Variants in DGKB observed in about 807,000 individuals in gnomAD.
DGKB encodes diacylglycerol kinase beta, also known as 90 kDa diacylglycerol kinase.
A neutral mutation model predicts 114.3 loss-of-function variants in DGKB; 67 were observed. The observed-to-expected ratio is 0.59, with a 90% CI of 0.48 to 0.72. DGKB has a LOEUF of 0.72. DGKB is among the 30% of genes least tolerant of loss of function. The probability of loss-of-function intolerance (pLI) is 0.00; values close to 1 mark genes in which losing one functional copy is unlikely to be tolerated. For missense variants in DGKB, 907 were observed against 975.2 expected (o/e 0.93, Z 0.93); for synonymous variants, 398 against 323.1 (o/e 1.23, Z -2.49).
At chr7:14,405,718 G>A (rs1337219140) in intron 21 of DGKB, among the ~76,000 whole-genome samples, 2 of 151,962 alleles carry the variant, frequency 1.3e-5, no homozygotes, top group Non-Finnish European at 2.9e-5. Flanking sequence ...TGAAACAAAA[G>A]GACTTTGTAT....
intron 22 of DGKB, among the ~76,000 whole-genome samples, chr7:14,344,909 C>T (rs1023735078): frequency 6.6e-6 from 1 of 151,536 alleles, no homozygotes; most frequent in Admixed American, 6.6e-5. Context: ...AAAGTAAGTA[C>T]AATTTTAGCA....
At chr7:14,457,193 T>C (rs1229514265) in intron 21 of DGKB, among the ~76,000 whole-genome samples, 1 of 152,160 alleles carries the variant, frequency 6.6e-6, no homozygotes, top group African/African-American at 2.4e-5. Context: ...GATATCATAG[T>C]GCACTAGTAA....
chr7:14,812,328 G>A (rs1236323922), intron 2 of DGKB, among the ~76,000 whole-genome samples: 1 of 151,884 alleles, frequency 6.6e-6, no homozygotes, highest in Non-Finnish European at 1.5e-5. Context: ...TATTTTTCAT[G>A]CTTTTGTCTC....
At chr7:14,369,002 A>G (rs1371060360) in intron 21 of DGKB, among the ~76,000 whole-genome samples, 3 of 152,212 alleles carry the variant, frequency 2.0e-5, no homozygotes, top group Non-Finnish European at 4.4e-5. Flanking sequence ...TACATGTGCC[A>G]TGGTGGTTTG....
intron 12 of DGKB, among the ~76,000 whole-genome samples, chr7:14,679,252 ATT>A (rs1820421586): frequency 6.6e-6 from 1 of 152,026 alleles, no homozygotes; most frequent in Non-Finnish European, 1.5e-5. Flanking sequence ...CACAAATATA[ATT>A]GTTACTTACT....
chr7:14,598,279 T>C (rs62445565), intron 17 of DGKB, among the ~76,000 whole-genome samples: 2,948 of 152,324 alleles, frequency 0.019, 48 homozygotes, highest in Non-Finnish European at 0.028. Flanking sequence ...GTTATTCTGC[T>C]AATGGAGTCA....
At chr7:14,662,982 C>T (rs1324899557) in intron 13 of DGKB, among the ~76,000 whole-genome samples, 1 of 151,928 alleles carries the variant, frequency 6.6e-6, no homozygotes, top group Non-Finnish European at 1.5e-5. Context: ...ATCATCTTAG[C>T]ACTCACCATC....
At chr7:14,443,027 A>C (rs900286963) in intron 21 of DGKB, among the ~76,000 whole-genome samples, 4 of 152,158 alleles carry the variant, frequency 2.6e-5, no homozygotes, top group African/African-American at 9.7e-5. Context: ...AATTTTATAA[A>C]TCCAAACTGC....
At chr7:14,236,388 A>G (rs1422965982) in intron 23 of DGKB, among the ~76,000 whole-genome samples, 1 of 151,826 alleles carries the variant, frequency 6.6e-6, no homozygotes, top group African/African-American at 2.4e-5. Flanking sequence ...GAAAATTAAT[A>G]GCAAAGGTAG....
At chr7:14,321,581 G>C (rs947326155) in intron 23 of DGKB, among the ~76,000 whole-genome samples, 5 of 145,370 alleles carry the variant, frequency 3.4e-5, no homozygotes, top group African/African-American at 1.3e-4. Flanking sequence ...CCTTGCACTG[G>C]AGACTTTAAA....
At chr7:14,272,007 A>G (rs1399982936) in intron 23 of DGKB, among the ~76,000 whole-genome samples, 10 of 152,200 alleles carry the variant, frequency 6.6e-5, no homozygotes, top group Admixed American at 1.3e-4. Flanking sequence ...CTATATTTGC[A>G]TATCTTCTAT....
At chr7:14,306,257 T>C (rs757562244) in intron 23 of DGKB, among the ~76,000 whole-genome samples, 2 of 152,052 alleles carry the variant, frequency 1.3e-5, no homozygotes, top group Admixed American at 1.3e-4. Flanking sequence ...AGAAGTTAAA[T>C]AGACTGGAAT....
chr7:14,598,175 T>A (rs1802920412), intron 17 of DGKB, among the ~76,000 whole-genome samples: 1 of 152,340 alleles, frequency 6.6e-6, no homozygotes, highest in African/African-American at 2.4e-5. Context: ...ATGAATTGAA[T>A]GAATTCAAAT....
chr7:14,735,460 T>C (rs772342727), intron 5 of DGKB, among the ~76,000 whole-genome samples: 2 of 152,184 alleles, frequency 1.3e-5, no homozygotes, highest in Non-Finnish European at 2.9e-5. Context: ...TGTTTTACAT[T>C]GGGTAATACA....
At chr7:14,201,024 CTTCA>C (rs1165144206) in intron 23 of DGKB, among the ~76,000 whole-genome samples, 1 of 151,880 alleles carries the variant, frequency 6.6e-6, no homozygotes, top group Non-Finnish European at 1.5e-5. Flanking sequence ...AAGATGGTTT[CTTCA>C]TTCATTTAGG....
intron 1 of DGKB, among the ~76,000 whole-genome samples, chr7:14,859,328 C>G (rs117775071): frequency 6.6e-6 from 1 of 152,188 alleles, no homozygotes; most frequent in East Asian, 1.9e-4. Context: ...CTTTGTCAGT[C>G]TCAGTAATGA....
intron 23 of DGKB, among the ~76,000 whole-genome samples, chr7:14,281,265 G>A (rs1163033708): frequency 1.3e-5 from 2 of 151,768 alleles, no homozygotes; most frequent in Non-Finnish European, 2.9e-5. Context: ...AGACAAAAAA[G>A]ACCATTACAT....
intron 21 of DGKB, among the ~76,000 whole-genome samples, chr7:14,457,210 T>C (rs1010050013): frequency 6.6e-6 from 1 of 152,072 alleles, no homozygotes; most frequent in African/African-American, 2.4e-5. Context: ...GTAAAGAGGG[T>C]ATGTAAAAAG....
intron 13 of DGKB, among the ~76,000 whole-genome samples, chr7:14,660,512 T>G (rs1179639483): frequency 2.0e-5 from 3 of 152,054 alleles, no homozygotes; most frequent in Non-Finnish European, 4.4e-5. Context: ...TGCGTAGAGG[T>G]GTTTGCAGTA....
Sources: allele counts gnomAD v4.1 joint callset (sites outside exome capture counted in the v4.1 genomes callset), GRCh38; gene constraint gnomAD v4.1.1; transcripts MANE v1.5; gene names NCBI Gene and HGNC (gene_info 2026-07-23, HGNC 2026-07-21).